Variants in HEATR5A observed in about 807,000 individuals in gnomAD.
HEATR5A encodes HEAT repeat containing 5A, also known as HEAT repeat-containing protein 5A.
A neutral mutation model predicts 218.8 loss-of-function variants in HEATR5A; 178 were observed. That is an observed-to-expected ratio of 0.81 (90% confidence interval 0.72 to 0.92). HEATR5A has a LOEUF of 0.92. Among genes scored for constraint, HEATR5A ranks in the 40% least tolerant of loss-of-function variants. The pLI is 0.00. For missense variants in HEATR5A, 2,420 were observed against 2,418.9 expected, an observed-to-expected ratio of 1.00 and a Z score of -0.01; for synonymous variants, 864 against 871.6, an observed-to-expected ratio of 0.99 and a Z score of 0.15.
At chr14:31,390,818 T>C (rs2030423976) in intron 6 of HEATR5A, among the ~76,000 whole-genome samples, 1 of 151,304 alleles carries the variant, frequency 6.6e-6, no homozygotes, top group Non-Finnish European at 1.5e-5. Context: ...GTATTTATTA[T>C]ACTTTTTATT....
chr14:31,297,483 T>TAAAC (rs58946487), intron 33 of HEATR5A: 6,465 of 152,308 alleles, frequency 0.042, 396 homozygotes, highest in African/African-American at 0.14. Context: ...CCTGTCTCTT[T>TAAAC]AAACAAACAA....
chr14:31,414,329 C>T (rs553603051), intron 1 of HEATR5A, among the ~76,000 whole-genome samples: 4 of 152,260 alleles, frequency 2.6e-5, no homozygotes, highest in East Asian at 3.9e-4. Context: ...TTTCAGAACT[C>T]GTGGATTTTA....
intron 28 of HEATR5A, among the ~76,000 whole-genome samples, chr14:31,310,736 C>T (rs1899720639): frequency 6.6e-6 from 1 of 152,076 alleles, no homozygotes; most frequent in Admixed American, 6.6e-5. Context: ...ATATGTCTGT[C>T]ATTCATTTTT....
intron 26 of HEATR5A, among the ~76,000 whole-genome samples, chr14:31,317,585 T>C (rs573652735): frequency 4.6e-5 from 7 of 152,202 alleles, no homozygotes; most frequent in Non-Finnish European, 1.0e-4. Flanking sequence ...CGTGAGCCAC[T>C]GTACCTGGCC....
In HEATR5A at chr14:31,386,571, G is replaced by A. The variant is rs547560643; in HGVS notation, c.1194C>T (p.Ala398=). The A allele has an allele frequency of 5.7e-6, 9 of 1,577,692 alleles. No homozygotes were observed. The highest frequency in any genetic ancestry group is 3.8e-5 in the Admixed American group (2 of 52,446). The change falls in exon 9 of 36, where the codon GCC becomes GCT. Residue 398 remains alanine (A), a synonymous_variant. Transcript: ENST00000543095. ...TTTCCAAATTACCATCACTCATTAC[G>A]GCATCTGATAGAAATGCAAGAATTA... is the stretch of plus-strand genomic sequence containing the variant. ...AIWKLKKVMD[A]VMSDGNLETR...
chr14:31,349,957 C>T lies in HEATR5A; in HGVS notation c.2540G>A (p.Cys847Tyr), dbSNP rs1264989042. The T allele has an allele frequency of 1.9e-6, 3 of 1,592,558 alleles. No homozygotes were observed. The highest frequency in any genetic ancestry group is 2.3e-5 in the East Asian group (1 of 44,428). The change falls in exon 18 of 36, where the codon TGT becomes TAT. Residue 847 changes from cysteine (C) to tyrosine (Y), a missense_variant. Transcript: ENST00000543095. ...FLKYVAGSKG[C>Y]LGPEEMKRFA... The stretch of plus-strand genomic sequence containing the variant: ...TCTTTTCATTTCTTCTGGACCTAAA[C>T]ATCCCTTGGAGCCAGCCACGTACTG...
At chr14:31,324,820 A>G (rs1900214280) in intron 23 of HEATR5A, among the ~76,000 whole-genome samples, 1 of 152,094 alleles carries the variant, frequency 6.6e-6, no homozygotes, top group Non-Finnish European at 1.5e-5. Context: ...GGAACAGAAG[A>G]GAAAATTAGA....
chr14:31,397,760 G>A (rs2139300130), intron 4 of HEATR5A, among the ~76,000 whole-genome samples: 1 of 151,990 alleles, frequency 6.6e-6, no homozygotes, highest in African/African-American at 2.4e-5. Context: ...CTGGGCTCAA[G>A]TGATCCTCCT....
chr14:31,312,874 G>C, intron 28 of HEATR5A, 94 bp downstream of exon 28: 1 of 1,067,226 alleles, frequency 9.4e-7, no homozygotes, highest in Non-Finnish European at 1.3e-6. Context: ...CTCCAGCCTG[G>C]GAAACAAAGT....
intron 23 of HEATR5A, 122 bp downstream of exon 23, chr14:31,326,041 A>G: frequency 1.4e-6 from 1 of 701,948 alleles, no homozygotes. Context: ...AAGAAAAGCA[A>G]CAATCAGACA....
chr14:31,331,218 G>T (rs76858829), intron 22 of HEATR5A, among the ~76,000 whole-genome samples: 16,565 of 152,080 alleles, frequency 0.11, 1,301 homozygotes, highest in East Asian at 0.36. Context: ...GGGACTACAG[G>T]CATGAGCCAC....
Position 31,395,006 on chromosome 14 carries a change from C to T in HEATR5A, c.597+193G>A, listed in dbSNP as rs116963941. Among the ~76,000 whole-genome samples the T allele has an allele frequency of 4.7e-4, 71 of 152,280 alleles. No individual in the cohort carries two copies. In the East Asian group the frequency reaches 7.9e-3, roughly 17 times the overall value. ...TCTGGAAACCTGAACTTCCTACCCT[C>T]TGACAATGTGTTGCTAACTCTTTGA... is the stretch of plus-strand genomic sequence containing the variant. On this transcript the variant is annotated intron_variant, in intron 5 of 35. Transcript: ENST00000543095.
In HEATR5A at chr14:31,382,983, T is replaced by A. The variant is rs565838633; in HGVS notation, c.1596+538A>T. On this transcript the variant is annotated intron_variant, in intron 10 of 35. Coordinates refer to ENST00000543095, the MANE Select transcript of HEATR5A (RefSeq NM_015473.4). Reference sequence around the variant, plus strand: ...AGACCTGAAACTAGCCATTGCTCCATAGAGTCCTGATTCCTTTTTGGTTGG... The same window carrying A: ...AGACCTGAAACTAGCCATTGCTCCAAAGAGTCCTGATTCCTTTTTGGTTGG... 5.9e-5 allele frequency among the ~76,000 whole-genome samples: 9 copies of A among 151,998 alleles called. No homozygotes were observed. In the South Asian group the frequency reaches 1.5e-3, roughly 25 times the overall value.
intron 11 of HEATR5A, among the ~76,000 whole-genome samples, chr14:31,379,601 A>C (rs1446483902): frequency 6.6e-6 from 1 of 152,140 alleles, no homozygotes; most frequent in Non-Finnish European, 1.5e-5. Context: ...CAGAGACTTA[A>C]AATATAGGTG....
intron 7 of HEATR5A, 81 bp from the exon 8 acceptor site, chr14:31,387,456 T>G (rs1156624743): frequency 2.9e-6 from 3 of 1,042,216 alleles, no homozygotes; most frequent in Non-Finnish European, 4.1e-6. Context: ...TAGCATTTAT[T>G]AATATTTTTC....
chr14:31,302,902 A>G (rs1157463645), intron 32 of HEATR5A, among the ~76,000 whole-genome samples: 2 of 148,874 alleles, frequency 1.3e-5, no homozygotes, highest in African/African-American at 2.5e-5. Context: ...TACATTCACA[A>G]TGTTGCCTGG....
At position 31,343,795 on chromosome 14, in the gene HEATR5A, T is replaced by A. The variant is rs970812858; in HGVS notation, c.3228+101A>T. 4.1e-6 allele frequency: 4 copies of A among 980,380 alleles called. No individual in the cohort carries two copies. In the East Asian group the frequency reaches 8.2e-5, roughly 20 times the overall value. The allele number at this position is 980,380 out of a possible 1,614,324, so 60.7% of individuals were successfully genotyped here. ...GGGAAATAGCTACGTATATAACACA[T>A]AACTTTGTACATAGTCTAGAGTATA... is the stretch of plus-strand genomic sequence containing the variant. On this transcript the variant is annotated intron_variant, in intron 21 of 35. Transcript: ENST00000543095.
Position 31,297,885 on chromosome 14 carries a change from T to A in HEATR5A, c.5465-1822A>T, listed in dbSNP as rs904431327. Among the ~76,000 whole-genome samples the A allele has an allele frequency of 2.0e-5, 3 of 152,220 alleles. 1 individual carries two copies. In the South Asian group the frequency reaches 6.2e-4, roughly 32 times the overall value. ...ATTACAGAGAGTGTACTGTTAACTA[T>A]AATGCTATACTGCTTCCCTTACAGC... On this transcript the variant is annotated intron_variant, in intron 33 of 35. Transcript: ENST00000543095.
chr14:31,415,960 T>C (rs2031430865), intron 1 of HEATR5A, among the ~76,000 whole-genome samples: 1 of 150,914 alleles, frequency 6.6e-6, no homozygotes, highest in African/African-American at 2.4e-5. Context: ...TTTCCTTTTC[T>C]TTTTTTTTGA....
Sources: allele counts gnomAD v4.1 joint callset (sites outside exome capture counted in the v4.1 genomes callset), GRCh38; gene constraint gnomAD v4.1.1; transcripts MANE v1.5; gene names NCBI Gene and HGNC (gene_info 2026-07-23, HGNC 2026-07-21).